The following TMED3 variants were observed in gnomAD, a reference collection of about 807,000 sequenced individuals.
TMED3 encodes transmembrane emp24 domain-containing protein 3.
Under a neutral mutation model 15.0 loss-of-function variants are expected in TMED3, and 9 were observed. The ratio of observed to expected loss-of-function variants is 0.60; its 90% CI spans 0.36 to 1.04. The LOEUF is 1.04. TMED3 is among the 50% of genes least tolerant of loss of function. The pLI is 0.01. For synonymous variants in TMED3, 117 were observed against 121.4 expected (o/e 0.96, Z 0.24); for missense variants, 267 against 278.9 (o/e 0.96, Z 0.30).
intron 2 of TMED3, among the ~76,000 whole-genome samples, chr15:79,369,868 C>T (rs533804754): frequency 8.5e-5 from 13 of 152,296 alleles, no homozygotes; most frequent in African/African-American, 3.1e-4. Flanking sequence ...CTTTTTTTCC[C>T]CTTCTGCATC....
intron 2 of TMED3, among the ~76,000 whole-genome samples, chr15:79,410,995 C>T (rs1276901726): frequency 6.6e-6 from 1 of 152,076 alleles, no homozygotes; most frequent in Non-Finnish European, 1.5e-5. Flanking sequence ...ATTTGTAACC[C>T]GAGAACAAGA....
intron 2 of TMED3, among the ~76,000 whole-genome samples, chr15:79,335,654 A>G (rs553064150): frequency 5.9e-4 from 90 of 152,340 alleles, no homozygotes; most frequent in Admixed American, 1.4e-3. Flanking sequence ...CAAGCATTTC[A>G]TCCATTAAAA....
At chr15:79,375,302 A>C (rs1010169495) in intron 2 of TMED3, among the ~76,000 whole-genome samples, 1 of 152,100 alleles carries the variant, frequency 6.6e-6, no homozygotes, top group Admixed American at 6.5e-5. Flanking sequence ...TTCTGTCTGG[A>C]TAACAACTAA....
At chr15:79,333,280 A>G (rs1487681067) in intron 2 of TMED3, among the ~76,000 whole-genome samples, 1 of 152,236 alleles carries the variant, frequency 6.6e-6, no homozygotes, top group Non-Finnish European at 1.5e-5. Flanking sequence ...ACACAGTTGA[A>G]TGACAGGATA....
intron 2 of TMED3, among the ~76,000 whole-genome samples, chr15:79,373,320 A>G (rs755327570): frequency 6.6e-6 from 1 of 152,354 alleles, no homozygotes; most frequent in Non-Finnish European, 1.5e-5. Context: ...AAGGCATCTT[A>G]AATCTTTTTG....
At chr15:79,384,677 G>A (rs897866759) in intron 2 of TMED3, 3 of 152,216 alleles carry the variant, frequency 2.0e-5, no homozygotes, top group Non-Finnish European at 2.9e-5. Flanking sequence ...TAATTGGGTA[G>A]CCATATAGAA....
chr15:79,361,715 T>TAA (rs200378016), intron 2 of TMED3, among the ~76,000 whole-genome samples: 3 of 7,642 alleles, frequency 3.9e-4, no homozygotes, highest in Non-Finnish European at 5.7e-3. Flanking sequence ...ATAAAAAAAT[T>TAA]AAAAAAAAAA....
chr15:79,311,427 G>A lies in TMED3; in HGVS notation c.168+10G>A, dbSNP rs1431681986. ...CTCCCTGGATTACCAGGTGAGGCCG[G>A]GCGCCCGGCAGCGCTCCCTTCTCCC... On this transcript the variant is annotated intron_variant, in intron 1 of 2. Coordinates refer to ENST00000299705, the MANE Select transcript of TMED3 (RefSeq NM_007364.4). 1 of 1,600,504 alleles carries A rather than the reference G, an allele frequency of 6.2e-7. No individual in the cohort carries two copies. The highest frequency in any genetic ancestry group is 2.3e-5 in the East Asian group (1 of 44,042).
exon 3 of TMED3, chr15:79,411,818 C>A: frequency 3.4e-6 from 1 of 290,822 alleles, no homozygotes; most frequent in Non-Finnish European, 6.7e-6. Context: ...GGAGCATTTG[C>A]AATAAAGCAT....
chr15:79,385,019 G>A (rs1000731658), intron 2 of TMED3, among the ~76,000 whole-genome samples: 5 of 152,226 alleles, frequency 3.3e-5, no homozygotes, highest in South Asian at 4.1e-4. Context: ...TAACCATGGA[G>A]AATGAAGAAG....
At chr15:79,409,239 G>A (rs1893940404) in intron 2 of TMED3, among the ~76,000 whole-genome samples, 1 of 152,212 alleles carries the variant, frequency 6.6e-6, no homozygotes. Flanking sequence ...GTTCATTTGA[G>A]GCACTACTTT....
At chr15:79,394,676 C>T (rs1243640640) in intron 2 of TMED3, among the ~76,000 whole-genome samples, 1 of 152,206 alleles carries the variant, frequency 6.6e-6, no homozygotes, top group African/African-American at 2.4e-5. Context: ...ATTCTTTCTC[C>T]TGCTACGTTT....
rs181870593 is a variant in TMED3 at position 79,397,908 on chromosome 15, A to G, written c.418-13492A>G. On this transcript the variant is annotated intron_variant, in intron 2 of 2. Coordinates refer to the TMED3 transcript ENST00000424155. ...CATATGCTCCCTCCCCACTAGCCCC[A>G]TACCCAACCTCTCTGACTATCATCA... 1.8e-3 allele frequency among the ~76,000 whole-genome samples: 272 copies of G among 152,308 alleles called. 1 individual carries two copies. Among genetic ancestry groups the G allele is most frequent in the Admixed American group, 3.1e-3 (47 of 15,288 alleles).
chr15:79,332,347 A>C (rs545767502), intron 2 of TMED3, among the ~76,000 whole-genome samples: 1 of 152,366 alleles, frequency 6.6e-6, no homozygotes, highest in South Asian at 2.1e-4. Context: ...AGCTGCTTCA[A>C]AACTCTCAGA....
intron 2 of TMED3, among the ~76,000 whole-genome samples, chr15:79,401,172 G>A (rs76064187): frequency 0.022 from 3,287 of 152,128 alleles, 123 homozygotes; most frequent in African/African-American, 0.075. Flanking sequence ...CACAGAATAG[G>A]CACTCAATAA....
chr15:79,350,150 A>G (rs1399188704), intron 2 of TMED3, among the ~76,000 whole-genome samples: 1 of 152,134 alleles, frequency 6.6e-6, no homozygotes, highest in African/African-American at 2.4e-5. Context: ...GGATGAATAG[A>G]TGGATAGATG....
At position 79,373,907 on chromosome 15, in the gene TMED3, T is replaced by C. The variant is rs1225346518; in HGVS notation, c.418-37493T>C. ...AAAGGATTAAGGTCTGCCTGAAGAG[T>C]TGAAATCAGCAGGAATAGATGTTTG... On this transcript the variant is annotated intron_variant, in intron 2 of 2. Coordinates refer to the TMED3 transcript ENST00000424155. Among the ~76,000 whole-genome samples the C allele has an allele frequency of 3.9e-5, 6 of 152,014 alleles. No individual in the cohort carries two copies. The East Asian group carries it at 1.2e-3, about 29-fold the overall frequency.
intron 2 of TMED3, among the ~76,000 whole-genome samples, chr15:79,377,438 T>G (rs2141247822): frequency 6.6e-6 from 1 of 152,284 alleles, no homozygotes; most frequent in South Asian, 2.1e-4. Flanking sequence ...ATTCAATAAA[T>G]GCACATGTAG....
At chr15:79,353,369 A>G (rs1350067410) in intron 2 of TMED3, among the ~76,000 whole-genome samples, 1 of 119,710 alleles carries the variant, frequency 8.4e-6, no homozygotes. Context: ...TATAAAATAT[A>G]TATAATATAT....
Sources: gnomAD v4.1 joint callset for allele counts (sites outside exome capture counted in the v4.1 genomes callset) on GRCh38, gnomAD v4.1.1 for gene constraint, MANE v1.5 for transcripts, NCBI Gene and HGNC (gene_info 2026-07-23, HGNC 2026-07-21) for gene names.